The following CNTN6 variants were observed in gnomAD, a reference collection of about 807,000 sequenced individuals.
The protein encoded by CNTN6 is contactin 6.
Under a neutral mutation model 122.8 loss-of-function variants are expected in CNTN6, and 137 were observed. The ratio of observed to expected loss-of-function variants is 1.12; its 90% CI spans 0.97 to 1.29. CNTN6 has a LOEUF of 1.29. CNTN6 is among the 50% of genes most tolerant of loss of function. The pLI, the probability that CNTN6 is intolerant of heterozygous loss-of-function variation, is 0.00. For missense variants in CNTN6, 1,634 were observed against 1,223.4 expected (o/e 1.34, Z -5.01); for synonymous variants, 570 against 426.0 (o/e 1.34, Z -4.16).
At chr3:1,098,479 T>C (rs2090656754) in intron 1 of CNTN6, among the ~76,000 whole-genome samples, 1 of 151,664 alleles carries the variant, frequency 6.6e-6, no homozygotes, top group Admixed American at 6.6e-5. Context: ...AATTTGAAAT[T>C]ATAGAGAAAA....
intron 1 of CNTN6, among the ~76,000 whole-genome samples, chr3:1,142,194 G>A (rs1414504673): frequency 6.7e-6 from 1 of 148,948 alleles, no homozygotes; most frequent in Non-Finnish European, 1.5e-5. Context: ...GATGGAGTGA[G>A]TGACAATTTT....
chr3:1,286,556 C>T (rs1037143866), intron 5 of CNTN6, among the ~76,000 whole-genome samples: 3 of 152,110 alleles, frequency 2.0e-5, no homozygotes, highest in African/African-American at 7.2e-5. Context: ...CATAGTATTC[C>T]ATGGTGTATA....
At chr3:1,368,034 C>T (rs2126126197) in intron 12 of CNTN6, among the ~76,000 whole-genome samples, 1 of 152,258 alleles carries the variant, frequency 6.6e-6, no homozygotes, top group East Asian at 1.9e-4. Flanking sequence ...AAAAGGAAGG[C>T]ATACACATGG....
intron 4 of CNTN6, among the ~76,000 whole-genome samples, chr3:1,240,169 A>G (rs987489509): frequency 2.0e-5 from 3 of 152,222 alleles, no homozygotes; most frequent in African/African-American, 7.2e-5. Context: ...AGATAAATAC[A>G]TGGGACTTAA....
chr3:1,255,235 G>A (rs34740504), intron 4 of CNTN6, among the ~76,000 whole-genome samples: 42,233 of 151,866 alleles, frequency 0.28, 6,188 homozygotes, highest in South Asian at 0.43. Context: ...AAGAGACTAT[G>A]CCTCTGATGG....
At chr3:1,215,779 A>ACT (rs142768844) in intron 2 of CNTN6, among the ~76,000 whole-genome samples, 10,516 of 152,016 alleles carry the variant, frequency 0.069, 447 homozygotes, top group Non-Finnish European at 0.1. Flanking sequence ...CAGAAAATTC[A>ACT]TTTTACTTAA....
chr3:1,396,199 G>A (rs1694970960), intron 20 of CNTN6, among the ~76,000 whole-genome samples: 1 of 152,130 alleles, frequency 6.6e-6, no homozygotes, highest in African/African-American at 2.4e-5. Flanking sequence ...TTCTAGCCCT[G>A]ACATCTCAAA....
chr3:1,134,193 G>A (rs113626635), intron 1 of CNTN6, among the ~76,000 whole-genome samples: 1 of 152,060 alleles, frequency 6.6e-6, no homozygotes, highest in East Asian at 1.9e-4. Context: ...CTTGGAAGTC[G>A]GCCTCCTCCT....
At chr3:1,281,668 G>A in intron 5 of CNTN6, among the ~76,000 whole-genome samples, 1 of 151,854 alleles carries the variant, frequency 6.6e-6, no homozygotes, top group South Asian at 2.1e-4. Context: ...TTTCACTTCT[G>A]ACCTCGTGAT....
intron 1 of CNTN6, among the ~76,000 whole-genome samples, chr3:1,140,519 T>C (rs113054035): frequency 3.3e-5 from 5 of 152,330 alleles, no homozygotes; most frequent in African/African-American, 1.2e-4. Context: ...AATAGAAAGC[T>C]GACTTCTATT....
At chr3:1,292,480 C>G (rs1695494716) in intron 5 of CNTN6, among the ~76,000 whole-genome samples, 1 of 152,044 alleles carries the variant, frequency 6.6e-6, no homozygotes, top group African/African-American at 2.4e-5. Flanking sequence ...GTGTCGAAAA[C>G]ACAGATCCCA....
At chr3:1,097,604 C>T (rs1256653090) in intron 1 of CNTN6, among the ~76,000 whole-genome samples, 1 of 152,148 alleles carries the variant, frequency 6.6e-6, no homozygotes, top group Non-Finnish European at 1.5e-5. Context: ...CTATATCTAG[C>T]ACAGAATAGC....
At chr3:1,234,928 C>A (rs1353593943) in intron 4 of CNTN6, among the ~76,000 whole-genome samples, 1 of 152,148 alleles carries the variant, frequency 6.6e-6, no homozygotes, top group African/African-American at 2.4e-5. Flanking sequence ...TAATTCAGAT[C>A]TTAAACAAAT....
At chr3:1,115,484 T>G (rs1275372684) in intron 1 of CNTN6, among the ~76,000 whole-genome samples, 1 of 152,176 alleles carries the variant, frequency 6.6e-6, no homozygotes, top group Non-Finnish European at 1.5e-5. Context: ...GTACGGTGGC[T>G]CATGCCTGTA....
intron 7 of CNTN6, among the ~76,000 whole-genome samples, chr3:1,313,963 C>T (rs1195021881): frequency 6.6e-6 from 1 of 152,038 alleles, no homozygotes; most frequent in Admixed American, 6.6e-5. Flanking sequence ...AAGGCTCTAT[C>T]TTCATGTCAT....
intron 1 of CNTN6, among the ~76,000 whole-genome samples, chr3:1,129,113 A>G (rs1311564993): frequency 6.6e-6 from 1 of 152,056 alleles, no homozygotes; most frequent in Non-Finnish European, 1.5e-5. Context: ...ACTTAGGGAG[A>G]AATAGATTGG....
intron 11 of CNTN6, among the ~76,000 whole-genome samples, chr3:1,332,249 G>A (rs1005991338): frequency 1.3e-5 from 2 of 151,850 alleles, no homozygotes; most frequent in Non-Finnish European, 2.9e-5. Context: ...TTTTCAAAAG[G>A]TCACACAGTT....
At chr3:1,244,974 T>C (rs540535565) in intron 4 of CNTN6, among the ~76,000 whole-genome samples, 50 of 150,150 alleles carry the variant, frequency 3.3e-4, no homozygotes, top group African/African-American at 1.2e-3. Flanking sequence ...TGGTGGAATG[T>C]CATCAGTTAA....
At chr3:1,269,066 T>C (rs1166390853) in intron 4 of CNTN6, among the ~76,000 whole-genome samples, 1 of 152,212 alleles carries the variant, frequency 6.6e-6, no homozygotes, top group African/African-American at 2.4e-5. Context: ...AGTAATGTGA[T>C]TAAAGTCCCT....
Sources: allele counts gnomAD v4.1 joint callset (sites outside exome capture counted in the v4.1 genomes callset), GRCh38; gene constraint gnomAD v4.1.1; transcripts MANE v1.5; gene names NCBI Gene and HGNC (gene_info 2026-07-23, HGNC 2026-07-21).